The following ADGRB3 variants were observed in gnomAD, a reference collection of about 807,000 sequenced individuals.
ADGRB3 encodes adhesion G protein-coupled receptor B3.
ADGRB3 carries 37 observed loss-of-function variants against 193.4 expected under a neutral mutation model. The ratio of observed to expected loss-of-function variants is 0.19; its 90% CI spans 0.15 to 0.25. The LOEUF is 0.25. Ranked by LOEUF, ADGRB3 falls within the 10% of genes least tolerant of loss-of-function variation. The probability of loss-of-function intolerance (pLI) is 1.00; values close to 1 mark genes in which losing one functional copy is unlikely to be tolerated. For synonymous variants in ADGRB3, 690 were observed against 644.2 expected (o/e 1.07, Z -1.08); for missense variants, 1,637 against 1,852.9 (o/e 0.88, Z 2.14).
chr6:68,857,515 A>G lies in ADGRB3; in HGVS notation c.758-73044A>G, dbSNP rs189766931. ...CTGTCCTGCTGGATTTCATACTTGC[A>G]TGGGCCCTGTAATCCCTTTGTTTTG... On this transcript the variant is annotated intron_variant, in intron 3 of 31. Transcript: ENST00000370598. 3.7e-3 allele frequency among the ~76,000 whole-genome samples: 557 copies of G among 152,302 alleles called. 7 individuals carry two copies. Among genetic ancestry groups the G allele is most frequent in the Non-Finnish European group, 4.7e-3 (321 of 68,028 alleles).
chr6:68,638,159 T>C (rs1241816465), intron 2 of ADGRB3, among the ~76,000 whole-genome samples: 1 of 152,244 alleles, frequency 6.6e-6, no homozygotes, highest in Non-Finnish European at 1.5e-5. Flanking sequence ...ATCATTACTT[T>C]TCACGTTTAA....
At chr6:69,171,205 G>A (rs1057052606) in intron 17 of ADGRB3, among the ~76,000 whole-genome samples, 1 of 152,082 alleles carries the variant, frequency 6.6e-6, no homozygotes, top group Non-Finnish European at 1.5e-5. Flanking sequence ...ATTTAGACTA[G>A]CTAGTTTTCG....
At chr6:69,170,374 A>T (rs1775240774) in intron 17 of ADGRB3, among the ~76,000 whole-genome samples, 1 of 152,122 alleles carries the variant, frequency 6.6e-6, no homozygotes, top group African/African-American at 2.4e-5. Flanking sequence ...CTCAACTAGT[A>T]TTTCATCACT....
intron 10 of ADGRB3, among the ~76,000 whole-genome samples, chr6:68,986,961 C>T (rs1326790613): frequency 6.6e-6 from 1 of 152,082 alleles, no homozygotes; most frequent in Non-Finnish European, 1.5e-5. Flanking sequence ...CCATGACCCT[C>T]TCCACATCTC....
chr6:69,276,226 G>T (rs1767300608), intron 20 of ADGRB3, among the ~76,000 whole-genome samples: 1 of 152,208 alleles, frequency 6.6e-6, no homozygotes, highest in African/African-American at 2.4e-5. Context: ...CTTAGGAAGA[G>T]AGAGTGGATA....
intron 4 of ADGRB3, among the ~76,000 whole-genome samples, chr6:68,932,316 T>C (rs764047757): frequency 6.6e-6 from 1 of 152,214 alleles, no homozygotes; most frequent in African/African-American, 2.4e-5. Context: ...GTAAATATTA[T>C]GCAATTTAGC....
rs75672548 is a variant in ADGRB3, at chr6:68,885,138, G to A, written c.758-45421G>A. On this transcript the variant is annotated intron_variant, in intron 3 of 31. Coordinates refer to ENST00000370598, the MANE Select transcript of ADGRB3 (RefSeq NM_001704.3). The stretch of plus-strand genomic sequence containing the variant: ...ATTGGTCAGAGGTCCCCAGTGGTCA[G>A]GGCATTTTTTGGGGATCTTATAAAA... 3.3e-3 allele frequency among the ~76,000 whole-genome samples: 508 copies of A among 152,244 alleles called. 4 individuals carry two copies. The highest frequency in any genetic ancestry group is 0.012 in the African/African-American group (493 of 41,532).
At chr6:69,226,539 A>T (rs917942924) in intron 17 of ADGRB3, among the ~76,000 whole-genome samples, 1 of 152,222 alleles carries the variant, frequency 6.6e-6, no homozygotes, top group African/African-American at 2.4e-5. Flanking sequence ...ATCAGCTGTG[A>T]TAGGTGCAAT....
At chr6:69,308,183 C>T (rs1052336758) in intron 20 of ADGRB3, among the ~76,000 whole-genome samples, 1 of 151,404 alleles carries the variant, frequency 6.6e-6, no homozygotes, top group African/African-American at 2.4e-5. Flanking sequence ...GAGTTTGAGT[C>T]CTGGCTCTGC....
Position 68,978,098 on chromosome 6 carries a change from GA to G in ADGRB3, c.1734+2760del, listed in dbSNP as rs1198118177. On this transcript the variant is annotated intron_variant, in intron 10 of 31. Transcript: ENST00000370598. ...CATCTTAGCACCTGTGGAAGTTTTG[GA>G]ATGGAACAAATGAGATATGTGGAAT... Among the ~76,000 whole-genome samples the G allele has an allele frequency of 2.0e-5, 3 of 151,472 alleles. No individual in the cohort carries two copies. In the South Asian group the frequency reaches 6.2e-4, roughly 31 times the overall value.
chr6:69,164,001 C>T (rs906682789), intron 17 of ADGRB3, among the ~76,000 whole-genome samples: 4 of 152,042 alleles, frequency 2.6e-5, no homozygotes, highest in African/African-American at 9.7e-5. Flanking sequence ...AATTCCCTGC[C>T]CCTCTTAATT....
chr6:68,987,331 G>C (rs2150271851), intron 10 of ADGRB3, among the ~76,000 whole-genome samples: 1 of 152,062 alleles, frequency 6.6e-6, no homozygotes, highest in Admixed American at 6.6e-5. Context: ...ATCTTCTATA[G>C]GTATTGGTAA....
intron 3 of ADGRB3, among the ~76,000 whole-genome samples, chr6:68,797,294 A>G (rs1767227732): frequency 6.6e-6 from 1 of 152,142 alleles, no homozygotes; most frequent in Non-Finnish European, 1.5e-5. Flanking sequence ...ACAACAAACC[A>G]CATGCAGAAA....
chr6:68,689,845 TA>T (rs1408764691), intron 3 of ADGRB3, among the ~76,000 whole-genome samples: 1 of 152,192 alleles, frequency 6.6e-6, no homozygotes, highest in Non-Finnish European at 1.5e-5. Flanking sequence ...CCAAATACCT[TA>T]TTCTGAAACA....
chr6:68,746,842 A>T (rs1766095212), intron 3 of ADGRB3, among the ~76,000 whole-genome samples: 2 of 152,008 alleles, frequency 1.3e-5, no homozygotes, highest in South Asian at 4.1e-4. Flanking sequence ...TAAATATTTC[A>T]TTTCATGTTC....
intron 3 of ADGRB3, among the ~76,000 whole-genome samples, chr6:68,761,177 C>G (rs1766388253): frequency 6.6e-6 from 1 of 152,126 alleles, no homozygotes. Flanking sequence ...GGATCACATA[C>G]CCTGTTAAGG....
chr6:68,639,761 A>T (rs1239896596), intron 3 of ADGRB3, among the ~76,000 whole-genome samples: 1 of 152,064 alleles, frequency 6.6e-6, no homozygotes, highest in Non-Finnish European at 1.5e-5. Context: ...GCAGCCCCTC[A>T]TGGTGACACA....
chr6:69,046,347 T>C (rs920048710), intron 13 of ADGRB3, among the ~76,000 whole-genome samples: 8 of 152,188 alleles, frequency 5.3e-5, no homozygotes, highest in East Asian at 3.8e-4. Context: ...CACGTGATTC[T>C]ACACATTGAA....
intron 17 of ADGRB3, among the ~76,000 whole-genome samples, chr6:69,172,592 C>T (rs530513158): frequency 7.5e-4 from 88 of 118,066 alleles, no homozygotes; most frequent in African/African-American, 2.7e-3. Context: ...TGCAGTGAGT[C>T]GAGATTGCGC....
Sources: allele counts gnomAD v4.1 joint callset (sites outside exome capture counted in the v4.1 genomes callset), GRCh38; gene constraint gnomAD v4.1.1; transcripts MANE v1.5; gene names NCBI Gene and HGNC (gene_info 2026-07-23, HGNC 2026-07-21).